The following CTNNA3 variants were observed in gnomAD, a reference collection of about 807,000 sequenced individuals.
The protein encoded by CTNNA3 is catenin alpha-3.
CTNNA3 carries 76 observed loss-of-function variants against 95.7 expected under a neutral mutation model. The observed-to-expected ratio is 0.79, with a 90% CI of 0.66 to 0.96. The LOEUF is 0.96. Among genes scored for constraint, CTNNA3 ranks in the 40% least tolerant of loss-of-function variants. The probability of loss-of-function intolerance (pLI) is 0.00; values close to 1 mark genes in which losing one functional copy is unlikely to be tolerated. For missense variants in CTNNA3, 1,191 were observed against 1,089.8 expected (o/e 1.09, Z -1.31); for synonymous variants, 431 against 374.4 (o/e 1.15, Z -1.74).
chr10:67,576,415 T>C (rs1049717035), intron 3 of CTNNA3, among the ~76,000 whole-genome samples: 1 of 152,136 alleles, frequency 6.6e-6, no homozygotes, highest in Non-Finnish European at 1.5e-5. Flanking sequence ...TAGTTGTTAA[T>C]AGTTTTCCTT....
chr10:66,251,162 A>C (rs999740905), intron 13 of CTNNA3, among the ~76,000 whole-genome samples: 2 of 152,200 alleles, frequency 1.3e-5, no homozygotes, highest in Admixed American at 6.5e-5. Flanking sequence ...GCTCTCCAGA[A>C]AGAGTATTGT....
chr10:66,472,933 T>C (rs1285475681), intron 11 of CTNNA3, among the ~76,000 whole-genome samples: 1 of 151,802 alleles, frequency 6.6e-6, no homozygotes, highest in Non-Finnish European at 1.5e-5. Flanking sequence ...GCCTAAGAGA[T>C]AAAAAAAAGT....
At chr10:67,649,192 G>A (rs548376178) in intron 1 of CTNNA3, among the ~76,000 whole-genome samples, 1 of 152,206 alleles carries the variant, frequency 6.6e-6, no homozygotes, top group Non-Finnish European at 1.5e-5. Context: ...TTCATCTGAA[G>A]GACAAAAGTA....
intron 15 of CTNNA3, among the ~76,000 whole-genome samples, chr10:66,030,217 C>A (rs530884762): frequency 6.6e-6 from 1 of 152,230 alleles, no homozygotes; most frequent in Non-Finnish European, 1.5e-5. Context: ...TACAAAAAAA[C>A]TGTTCTAAAA....
At chr10:66,117,819 G>A (rs2082402581) in intron 13 of CTNNA3, among the ~76,000 whole-genome samples, 1 of 152,112 alleles carries the variant, frequency 6.6e-6, no homozygotes, top group African/African-American at 2.4e-5. Context: ...CAATATTATT[G>A]ACAACTATAT....
chr10:66,192,397 G>T (rs2086727730), intron 13 of CTNNA3, among the ~76,000 whole-genome samples: 1 of 152,130 alleles, frequency 6.6e-6, no homozygotes, highest in Non-Finnish European at 1.5e-5. Flanking sequence ...AATAAGAAGA[G>T]CCTTGAGAAA....
chr10:66,650,635 C>T (rs959420359), intron 9 of CTNNA3, among the ~76,000 whole-genome samples: 3 of 152,104 alleles, frequency 2.0e-5, no homozygotes, highest in Admixed American at 2.0e-4. Context: ...TCAGATGTGT[C>T]CAGAGTTTAT....
chr10:67,239,591 A>T (rs1865639294), intron 5 of CTNNA3, among the ~76,000 whole-genome samples: 1 of 152,156 alleles, frequency 6.6e-6, no homozygotes, highest in Non-Finnish European at 1.5e-5. Context: ...GTTTGGAAAA[A>T]TTCATTGAAC....
intron 10 of CTNNA3, among the ~76,000 whole-genome samples, chr10:66,585,886 G>C (rs1179005865): frequency 6.6e-6 from 1 of 151,826 alleles, no homozygotes; most frequent in Non-Finnish European, 1.5e-5. Flanking sequence ...CATTTGTGTA[G>C]GCTATTTCTT....
chr10:67,466,610 T>C (rs1452035745), intron 5 of CTNNA3, among the ~76,000 whole-genome samples: 2 of 152,124 alleles, frequency 1.3e-5, no homozygotes, highest in African/African-American at 2.4e-5. Flanking sequence ...AAGAGTAAAA[T>C]ATGGGTTTGC....
At chr10:66,461,091 G>C (rs1421202714) in intron 11 of CTNNA3, among the ~76,000 whole-genome samples, 1 of 152,124 alleles carries the variant, frequency 6.6e-6, no homozygotes, top group Non-Finnish European at 1.5e-5. Context: ...TTATAGTCTG[G>C]TAAAAACTGG....
At chr10:65,949,054 G>A (rs2077569194) in intron 17 of CTNNA3, among the ~76,000 whole-genome samples, 1 of 146,542 alleles carries the variant, frequency 6.8e-6, no homozygotes, top group African/African-American at 2.5e-5. Flanking sequence ...AGAAGCAGGT[G>A]GAAACAAACT....
intron 9 of CTNNA3, among the ~76,000 whole-genome samples, chr10:66,707,944 C>T (rs1300432439): frequency 6.6e-6 from 1 of 152,096 alleles, no homozygotes; most frequent in East Asian, 1.9e-4. Context: ...TGTTCTGGTG[C>T]ATTCAGTCAT....
chr10:67,560,292 G>A (rs1365586126), intron 3 of CTNNA3, among the ~76,000 whole-genome samples: 1 of 150,960 alleles, frequency 6.6e-6, no homozygotes, highest in African/African-American at 2.4e-5. Flanking sequence ...GGATGTCTCG[G>A]CAGAAACTCT....
intron 9 of CTNNA3, among the ~76,000 whole-genome samples, chr10:66,743,236 TA>T (rs1269924166): frequency 6.6e-6 from 1 of 152,160 alleles, no homozygotes; most frequent in Admixed American, 6.5e-5. Flanking sequence ...TTCAGACATC[TA>T]AAAGGTGAAC....
intron 1 of CTNNA3, among the ~76,000 whole-genome samples, chr10:67,691,961 C>A (rs1337342277): frequency 6.8e-6 from 1 of 148,136 alleles, no homozygotes; most frequent in Non-Finnish European, 1.5e-5. Flanking sequence ...GCCCCCCACC[C>A]GGCCAGCCGC....
intron 13 of CTNNA3, among the ~76,000 whole-genome samples, chr10:66,184,189 C>T (rs1251057462): frequency 6.6e-6 from 1 of 152,240 alleles, no homozygotes; most frequent in South Asian, 2.1e-4. Flanking sequence ...ATCCCAGCTA[C>T]TCAGGAGGCT....
chr10:66,449,122 C>T (rs1053031937), intron 11 of CTNNA3, among the ~76,000 whole-genome samples: 2 of 151,676 alleles, frequency 1.3e-5, no homozygotes, highest in African/African-American at 4.8e-5. Flanking sequence ...AAAATATATG[C>T]CCAATAAAAT....
At chr10:66,540,276 C>G (rs1045892464) in intron 10 of CTNNA3, among the ~76,000 whole-genome samples, 1 of 152,090 alleles carries the variant, frequency 6.6e-6, no homozygotes, top group South Asian at 2.1e-4. Context: ...GACTAGATAG[C>G]TGGAACAGTC....
Sources: allele counts gnomAD v4.1 joint callset (sites outside exome capture counted in the v4.1 genomes callset), GRCh38; gene constraint gnomAD v4.1.1; transcripts MANE v1.5; gene names NCBI Gene and HGNC (gene_info 2026-07-23, HGNC 2026-07-21).